The following COMMD10 variants were observed in gnomAD, a reference collection of about 807,000 sequenced individuals.
COMMD10 encodes the protein COMM domain-containing protein 10.
A neutral mutation model predicts 28.9 loss-of-function variants in COMMD10; 33 were observed. The ratio of observed to expected loss-of-function variants is 1.14; its 90% CI spans 0.87 to 1.53. The LOEUF (loss-of-function observed/expected upper bound fraction) is 1.53, where lower values mean the gene tolerates loss of function less well. Among genes scored for constraint, COMMD10 ranks in the 40% most tolerant of loss-of-function variants. The probability of loss-of-function intolerance (pLI) is 0.00; values close to 1 mark genes in which losing one functional copy is unlikely to be tolerated. For missense variants in COMMD10, 310 were observed against 233.4 expected (o/e 1.33, Z -2.14); for synonymous variants, 110 against 81.7 (o/e 1.35, Z -1.87).
chr5:116,254,512 G>T (rs555535865), intron 5 of COMMD10, among the ~76,000 whole-genome samples: 1 of 150,726 alleles, frequency 6.6e-6, no homozygotes, highest in Admixed American at 6.6e-5. Context: ...TGTTCTTGTT[G>T]GTTTCAAAGA....
chr5:116,097,825 G>A (rs1750516888), intron 4 of COMMD10, among the ~76,000 whole-genome samples: 1 of 151,868 alleles, frequency 6.6e-6, no homozygotes, highest in African/African-American at 2.4e-5. Context: ...AGGGAGGAGG[G>A]AGGGGCTACA....
intron 5 of COMMD10, chr5:116,218,281 C>G (rs1749156927): frequency 1.4e-6 from 1 of 728,066 alleles, no homozygotes; most frequent in Admixed American, 1.8e-5. Flanking sequence ...CCCCTTCAGC[C>G]TTTCTCTTGG....
At chr5:116,159,577 A>C (rs1251863796) in intron 5 of COMMD10, among the ~76,000 whole-genome samples, 1 of 152,182 alleles carries the variant, frequency 6.6e-6, no homozygotes, top group African/African-American at 2.4e-5. Flanking sequence ...TGAGAGAAAA[A>C]GGCTTGTATG....
intron 5 of COMMD10, among the ~76,000 whole-genome samples, chr5:116,173,504 C>G (rs977726849): frequency 3.9e-5 from 6 of 152,082 alleles, no homozygotes; most frequent in Admixed American, 3.9e-4. Context: ...TTACAAAGAG[C>G]TAGATTTTAT....
chr5:116,088,393 A>G (rs969757909), intron 2 of COMMD10, among the ~76,000 whole-genome samples: 20 of 152,208 alleles, frequency 1.3e-4, no homozygotes, highest in Admixed American at 3.9e-4. Context: ...TTCCCTGCCT[A>G]TAGTCTTCTT....
intron 5 of COMMD10, chr5:116,218,325 G>A: frequency 1.5e-6 from 1 of 680,808 alleles, no homozygotes; most frequent in Non-Finnish European, 2.7e-6. Flanking sequence ...GTGGGACATA[G>A]GCACTGGGCG....
intron 5 of COMMD10, among the ~76,000 whole-genome samples, chr5:116,182,972 A>G (rs1748020520): frequency 6.6e-6 from 1 of 152,128 alleles, no homozygotes; most frequent in Non-Finnish European, 1.5e-5. Flanking sequence ...CCTGTGAAGA[A>G]GGTGCCTGCT....
chr5:116,260,027 GTAT>G (rs1750398777), intron 5 of COMMD10, among the ~76,000 whole-genome samples: 1 of 151,624 alleles, frequency 6.6e-6, no homozygotes, highest in Non-Finnish European at 1.5e-5. Flanking sequence ...GTCTGCAGTG[GTAT>G]TATTTTCCTG....
At chr5:116,139,818 T>C (rs1414339460) in intron 5 of COMMD10, among the ~76,000 whole-genome samples, 2 of 151,762 alleles carry the variant, frequency 1.3e-5, no homozygotes, top group Non-Finnish European at 3.0e-5. Flanking sequence ...TAAATATACA[T>C]AGTAAAATGA....
intron 5 of COMMD10, among the ~76,000 whole-genome samples, chr5:116,282,041 G>T (rs975817160): frequency 1.3e-5 from 2 of 151,780 alleles, no homozygotes; most frequent in Non-Finnish European, 2.9e-5. Context: ...GACATATATT[G>T]TCAAGGAAAT....
chr5:116,246,467 A>G (rs1023470683), intron 5 of COMMD10, among the ~76,000 whole-genome samples: 3 of 151,474 alleles, frequency 2.0e-5, no homozygotes, highest in Non-Finnish European at 3.0e-5. Context: ...TCTTTGTAGA[A>G]CTAGGAAAAA....
chr5:116,172,249 GAAAGT>G (rs1753360512), intron 5 of COMMD10, among the ~76,000 whole-genome samples: 1 of 152,060 alleles, frequency 6.6e-6, no homozygotes, highest in Admixed American at 6.6e-5. Flanking sequence ...GGTGTGAGAG[GAAAGT>G]AAAGAAAAGC....
At chr5:116,267,213 C>T (rs1357536382) in intron 5 of COMMD10, among the ~76,000 whole-genome samples, 1 of 151,840 alleles carries the variant, frequency 6.6e-6, no homozygotes, top group Non-Finnish European at 1.5e-5. Context: ...GTCTCCAGCC[C>T]AAAATCTCCT....
At chr5:116,157,225 A>C (rs901154604) in intron 5 of COMMD10, among the ~76,000 whole-genome samples, 3 of 152,188 alleles carry the variant, frequency 2.0e-5, no homozygotes, top group Non-Finnish European at 4.4e-5. Flanking sequence ...TACATATTTT[A>C]TTTTTATTTT....
rs566506812 is a variant in COMMD10 at position 116,271,890 on chromosome 5, A to G, written c.511-19627A>G. 3.4e-4 allele frequency among the ~76,000 whole-genome samples: 51 copies of G among 152,002 alleles called. No homozygotes were observed. The South Asian group carries it at 0.01, about 31-fold the overall frequency. ...CCCAACTCTGTGATACAAATGAGTT[A>G]TCTTTTCGTAACCACCAACCTCTCA... On this transcript the variant is annotated intron_variant, in intron 5 of 6. Transcript: ENST00000274458.
intron 4 of COMMD10, among the ~76,000 whole-genome samples, chr5:116,109,609 A>G (rs893390050): frequency 2.6e-5 from 4 of 152,302 alleles, no homozygotes; most frequent in African/African-American, 9.6e-5. Flanking sequence ...CAAACAAACA[A>G]AAAATTCCTA....
chr5:116,097,473 G>C (rs1480383883), intron 4 of COMMD10, among the ~76,000 whole-genome samples: 21 of 152,076 alleles, frequency 1.4e-4, no homozygotes, highest in Non-Finnish European at 2.4e-4. Flanking sequence ...GGCTGAGTTG[G>C]GATTTGACAA....
chr5:116,120,656 A>C (rs1751400210), intron 4 of COMMD10, among the ~76,000 whole-genome samples: 1 of 152,072 alleles, frequency 6.6e-6, no homozygotes, highest in South Asian at 2.1e-4. Context: ...ATTTTATATA[A>C]ATGGACTTAC....
chr5:116,085,211 G>C (rs1750050068), intron 1 of COMMD10, 118 bp downstream of exon 1: 1 of 715,456 alleles, frequency 1.4e-6, no homozygotes, highest in African/African-American at 1.8e-5. Context: ...GTTGAGTGGG[G>C]TGGGGTGGGG....
Sources: gnomAD v4.1 joint callset for allele counts (sites outside exome capture counted in the v4.1 genomes callset) on GRCh38, gnomAD v4.1.1 for gene constraint, MANE v1.5 for transcripts, NCBI Gene and HGNC (gene_info 2026-07-23, HGNC 2026-07-21) for gene names.